LRBA: variants seen among roughly 807,000 people sequenced by gnomAD.
The protein encoded by LRBA is LPS responsive beige-like anchor protein.
A neutral mutation model predicts 330.0 loss-of-function variants in LRBA; 176 were observed. The observed-to-expected ratio is 0.53, with a 90% confidence interval of 0.47 to 0.60. LRBA has a LOEUF of 0.60. LRBA is among the 20% of genes least tolerant of loss of function. The pLI, the probability that LRBA is intolerant of heterozygous loss-of-function variation, is 0.00. For synonymous variants in LRBA, 1,230 were observed against 1,193.0 expected (o/e 1.03, Z -0.64); for missense variants, 3,259 against 3,444.8 (o/e 0.95, Z 1.35).
chr4:150,757,566 A>G (rs1358900778), intron 35 of LRBA, among the ~76,000 whole-genome samples: 2 of 152,136 alleles, frequency 1.3e-5, no homozygotes, highest in African/African-American at 2.4e-5. Flanking sequence ...TTGCAGTAAA[A>G]AGGAAAATCA....
At chr4:150,346,784 A>C (rs972130783) in intron 48 of LRBA, among the ~76,000 whole-genome samples, 58 of 133,030 alleles carry the variant, frequency 4.4e-4, no homozygotes, top group Non-Finnish European at 8.2e-4. Context: ...AAAAAAAAAA[A>C]AAACACTTAT....
chr4:150,584,052 G>A (rs1488753579), intron 40 of LRBA: 2 of 1,589,878 alleles, frequency 1.3e-6, no homozygotes, highest in South Asian at 1.1e-5. Flanking sequence ...CTGCCAAGCA[G>A]ACCTGGAGGT....
intron 37 of LRBA, among the ~76,000 whole-genome samples, chr4:150,630,892 C>T (rs572422604): frequency 4.0e-4 from 61 of 151,876 alleles, no homozygotes; most frequent in Non-Finnish European, 7.7e-4. Flanking sequence ...ATTTTTGTTG[C>T]CTAAAACTAT....
intron 40 of LRBA, among the ~76,000 whole-genome samples, chr4:150,570,774 C>T (rs1769737916): frequency 6.6e-6 from 1 of 152,094 alleles, no homozygotes; most frequent in South Asian, 2.1e-4. Flanking sequence ...GAGAGCATAT[C>T]TTATTAACAT....
Position 150,717,675 on chromosome 4 carries a change from G to GTAGTAATAATAATAA in LRBA, c.5754+17582_5754+17583insTTATTATTATTACTA, listed in dbSNP as rs1553944910. On this transcript the variant is annotated intron_variant, in intron 36 of 56. Coordinates refer to ENST00000651943, the MANE Select transcript of LRBA (RefSeq NM_001364905.1). ...ACTCTGTCTCAAAATAACAATAATA[G>GTAGTAATAATAATAA]TAATAATAATAATAATAATAATAAT... Among the ~76,000 whole-genome samples, 4 of 139,770 alleles carry GTAGTAATAATAATAA rather than the reference G, an allele frequency of 2.9e-5. No individual in the cohort carries two copies. The South Asian group carries it at 6.9e-4, about 24-fold the overall frequency. The allele number at this position is 139,770 out of a possible 152,430, so 91.7% of individuals were successfully genotyped here.
intron 27 of LRBA, 112 bp from the exon 28 acceptor site, chr4:150,844,319 A>G: frequency 1.7e-6 from 1 of 589,398 alleles, no homozygotes; most frequent in Non-Finnish European, 2.8e-6. Flanking sequence ...AAGCTATAGC[A>G]TTCCTTTCCC....
At position 150,893,156 on chromosome 4, in the gene LRBA, T is replaced by C; in HGVS notation, c.2068-7A>G. The stretch of plus-strand genomic sequence containing the variant: ...CATCCATTAGATTGTCATCCTATAA[T>C]CATTTTAGAAATTTTTTTTAAAAAA... On this transcript the variant is annotated splice_polypyrimidine_tract_variant and splice_region_variant and intron_variant, in intron 16 of 56. Coordinates refer to ENST00000651943, the MANE Select transcript of LRBA (RefSeq NM_001364905.1). 6.4e-7 allele frequency: 1 copy of C among 1,554,616 alleles called. No individual in the cohort carries two copies. Among genetic ancestry groups the C allele is most frequent in the Non-Finnish European group, 8.8e-7 (1 of 1,141,026 alleles).
At chr4:150,338,753 AG>A (rs1735072011) in intron 48 of LRBA, among the ~76,000 whole-genome samples, 2 of 152,124 alleles carry the variant, frequency 1.3e-5, no homozygotes, top group South Asian at 4.1e-4. Context: ...TCTGTAGCAG[AG>A]GCTTTTTTTC....
chr4:150,274,138 C>T (rs534642510), intron 56 of LRBA, among the ~76,000 whole-genome samples: 3 of 152,288 alleles, frequency 2.0e-5, no homozygotes, highest in Non-Finnish European at 2.9e-5. Flanking sequence ...CAAATTAGAA[C>T]TCAGGATTAA....
chr4:150,514,197 C>T (rs1484882701), intron 40 of LRBA, among the ~76,000 whole-genome samples: 1 of 152,184 alleles, frequency 6.6e-6, no homozygotes, highest in Non-Finnish European at 1.5e-5. Context: ...CTCAGCCTCC[C>T]AAGTAGCTGG....
chr4:150,333,991 G>A (rs980531176), intron 48 of LRBA, among the ~76,000 whole-genome samples: 5 of 152,010 alleles, frequency 3.3e-5, no homozygotes, highest in African/African-American at 1.2e-4. Flanking sequence ...AGAAAGAAAG[G>A]CAAAGCATCA....
intron 37 of LRBA, among the ~76,000 whole-genome samples, chr4:150,604,370 C>G (rs1209391750): frequency 1.3e-5 from 2 of 150,520 alleles, no homozygotes; most frequent in African/African-American, 4.9e-5. Context: ...TGGCAATGAA[C>G]TCTAGCCTGG....
At chr4:150,867,621 A>C (rs1214742633) in intron 22 of LRBA, 50 bp downstream of exon 22, 1 of 1,436,074 alleles carries the variant, frequency 7.0e-7, no homozygotes, top group South Asian at 1.5e-5. Flanking sequence ...TAAAATTCAA[A>C]AATTATAGAT....
chr4:150,482,284 T>C (rs1757380114), intron 42 of LRBA, among the ~76,000 whole-genome samples: 1 of 152,128 alleles, frequency 6.6e-6, no homozygotes, highest in African/African-American at 2.4e-5. Context: ...AATGGAATCA[T>C]ACAACATGCA....
intron 35 of LRBA, among the ~76,000 whole-genome samples, chr4:150,737,147 G>C (rs1243089852): frequency 6.6e-6 from 1 of 152,126 alleles, no homozygotes; most frequent in African/African-American, 2.4e-5. Flanking sequence ...GAGTCAATGA[G>C]TTTCAAGTTA....
intron 30 of LRBA, 136 bp downstream of exon 30, chr4:150,828,044 A>G (rs765180567): frequency 2.1e-4 from 140 of 670,612 alleles, no homozygotes; most frequent in Admixed American, 6.0e-4. Flanking sequence ...AACATAAGCT[A>G]TTGGTAGTTA....
At chr4:150,328,198 G>A (rs986958677) in intron 48 of LRBA, among the ~76,000 whole-genome samples, 2 of 152,158 alleles carry the variant, frequency 1.3e-5, no homozygotes, top group African/African-American at 2.4e-5. Context: ...AGGAATACAG[G>A]AGTTTCTGTT....
At chr4:150,985,388 T>C (rs973171697) in intron 2 of LRBA, among the ~76,000 whole-genome samples, 1 of 151,930 alleles carries the variant, frequency 6.6e-6, no homozygotes, top group African/African-American at 2.4e-5. Context: ...TTTATGTTAG[T>C]TCAGTCTATG....
At chr4:150,404,155 A>G (rs1388760298) in intron 47 of LRBA, among the ~76,000 whole-genome samples, 1 of 152,128 alleles carries the variant, frequency 6.6e-6, no homozygotes, top group African/African-American at 2.4e-5. Context: ...AAGATTCTGA[A>G]CTCCAAAGGG....
Sources: gnomAD v4.1 joint callset for allele counts (sites outside exome capture counted in the v4.1 genomes callset) on GRCh38, gnomAD v4.1.1 for gene constraint, MANE v1.5 for transcripts, NCBI Gene and HGNC (gene_info 2026-07-23, HGNC 2026-07-21) for gene names.